Variants in POR observed in about 807,000 individuals in gnomAD.
The protein encoded by POR is cytochrome p450 oxidoreductase.
Under a neutral mutation model 84.0 loss-of-function variants are expected in POR, and 56 were observed. The observed-to-expected ratio is 0.67, with a 90% CI of 0.54 to 0.83. The LOEUF (loss-of-function observed/expected upper bound fraction) is 0.83, where lower values mean the gene tolerates loss of function less well. Ranked by LOEUF, POR falls within the 40% of genes least tolerant of loss-of-function variation. The pLI is 0.00. For missense variants in POR, 938 were observed against 944.3 expected, an observed-to-expected ratio of 0.99 and a Z score of 0.09; for synonymous variants, 414 against 400.5, an observed-to-expected ratio of 1.03 and a Z score of -0.40.
chr7:75,977,439 G>A (rs1788746476), intron 3 of POR, among the ~76,000 whole-genome samples: 1 of 152,202 alleles, frequency 6.6e-6, no homozygotes, highest in Admixed American at 6.6e-5. Context: ...TAAGCCAGTA[G>A]CCAGGACTAG....
chr7:75,968,863 C>T (rs1430708355), intron 2 of POR, among the ~76,000 whole-genome samples: 1 of 152,216 alleles, frequency 6.6e-6, no homozygotes, highest in African/African-American at 2.4e-5. Context: ...TGTCCAACTG[C>T]GTCAGGAGGT....
At chr7:75,968,917 A>T (rs1288636762) in intron 2 of POR, among the ~76,000 whole-genome samples, 1 of 152,132 alleles carries the variant, frequency 6.6e-6, no homozygotes, top group African/African-American at 2.4e-5. Context: ...GGCTTCTGGG[A>T]TGGGAGCCGA....
chr7:75,977,932 A>AACCGAATTGGCTGC (rs1164320793), intron 3 of POR, among the ~76,000 whole-genome samples: 2 of 152,214 alleles, frequency 1.3e-5, no homozygotes, highest in African/African-American at 4.8e-5. Flanking sequence ...CAATTGGCTG[A>AACCGAATTGGCTGC]ACCGAATTGG....
At position 75,986,853 on chromosome 7, in the gene POR, G is replaced by C; in HGVS notation, c.*372G>C. On this transcript the variant is annotated 3_prime_UTR_variant, in exon 16 of 16. Transcript: ENST00000461988. ...CCCTTGGAATAAAGTTCTGTTTTCT[G>C]TATTTGCCTGGTATTGTGTGAGTAG... 1.7e-6 allele frequency: 1 copy of C among 575,962 alleles called. No homozygotes were observed. The highest frequency in any genetic ancestry group is 2.8e-5 in the East Asian group (1 of 35,190). The allele number at this position is 575,962 out of a possible 1,614,324, so 35.7% of individuals were successfully genotyped here.
At chr7:75,938,782 C>T (rs188268643) in intron 1 of POR, among the ~76,000 whole-genome samples, 59 of 152,280 alleles carry the variant, frequency 3.9e-4, no homozygotes, top group Non-Finnish European at 5.3e-4. Flanking sequence ...ATCTCTTATT[C>T]GCCATCTATG....
At chr7:75,932,824 C>T (rs1807484078) in intron 1 of POR, among the ~76,000 whole-genome samples, 1 of 151,510 alleles carries the variant, frequency 6.6e-6, no homozygotes, top group African/African-American at 2.4e-5. Flanking sequence ...TTGAGACCAG[C>T]CTGGCCAACA....
At chr7:75,962,338 G>A (rs1362881166) in intron 2 of POR, among the ~76,000 whole-genome samples, 2 of 152,088 alleles carry the variant, frequency 1.3e-5, no homozygotes, top group Admixed American at 6.6e-5. Context: ...CTGTCACCCA[G>A]GCTGGAGTGC....
chr7:75,954,857 G>A (rs773924275), intron 2 of POR, among the ~76,000 whole-genome samples: 87 of 152,038 alleles, frequency 5.7e-4, no homozygotes, highest in Middle Eastern at 3.4e-3. Context: ...ACAGGTGCCC[G>A]CCACCACGCC....
chr7:75,915,480 C>T lies in POR; in HGVS notation c.-5+301C>T, dbSNP rs568317156. ...TCGGCTGAGGGTTAGGGCTCGGTATCTCAGGGCTCGGGGTCCAGTCCCCGC... is the reference window on the plus strand; with the variant it reads ...TCGGCTGAGGGTTAGGGCTCGGTATTTCAGGGCTCGGGGTCCAGTCCCCGC... On this transcript the variant is annotated intron_variant, in intron 1 of 15. Transcript: ENST00000461988. 7 of 152,428 alleles carry T rather than the reference C, an allele frequency of 4.6e-5. No individual in the cohort carries two copies. In the East Asian group the frequency reaches 9.7e-4, roughly 21 times the overall value. The allele number at this position is 152,428 out of a possible 1,614,324, so 9.4% of individuals were successfully genotyped here. A position where few individuals can be genotyped will look rare whatever the true frequency, so the allele number is the denominator to read the frequency against.
chr7:75,926,358 T>C (rs1268615765), intron 1 of POR, among the ~76,000 whole-genome samples: 1 of 152,126 alleles, frequency 6.6e-6, no homozygotes, highest in Non-Finnish European at 1.5e-5. Context: ...TAGTAGGTGA[T>C]TGCAGGCAGA....
intron 2 of POR, 98 bp from the exon 3 acceptor site, chr7:75,972,315 C>A: frequency 9.3e-7 from 1 of 1,070,450 alleles, no homozygotes. Context: ...GCTGCCACAG[C>A]ATCCCATGAA....
chr7:75,946,549 A>G (rs1282662241), intron 1 of POR, among the ~76,000 whole-genome samples: 33 of 152,114 alleles, frequency 2.2e-4, no homozygotes, highest in Admixed American at 2.2e-3. Context: ...TGGCCTCCCA[A>G]AGTGCTGAGA....
In POR at chr7:75,928,129, A is replaced by AC. The variant is rs201901109; in HGVS notation, c.-5+12952dup. Among the ~76,000 whole-genome samples the AC allele has an allele frequency of 9.4e-3, 1,428 of 151,200 alleles. 24 individuals carry two copies. The highest frequency in any genetic ancestry group is 0.03 in the African/African-American group (1,245 of 41,144). ...TGGGATTACAGGCACACACTGCCAT[A>AC]CCAGCTAATTTTTGTATTTTTAGTA... On this transcript the variant is annotated intron_variant, in intron 1 of 15. Transcript: ENST00000461988.
At chr7:75,981,934 G>C in intron 7 of POR, 1 of 566,788 alleles carries the variant, frequency 1.8e-6, no homozygotes, top group Non-Finnish European at 3.1e-6. Flanking sequence ...CTGTGCCCTT[G>C]ATGGCCCCTG....
In POR at chr7:75,981,147, C is replaced by G; in HGVS notation, c.616C>G (p.Leu206Val). The G allele has an allele frequency of 2.6e-6, 4 of 1,552,592 alleles. No individual in the cohort carries two copies. The highest frequency in any genetic ancestry group is 3.5e-6 in the Non-Finnish European group (4 of 1,148,740). ...GCTCGGCGCCCAGCGCATCTTTGAG[C>G]TGGGGTTGGGCGACGACGATGGGAA... Residue 206 changes from leucine (L) to valine (V), a missense_variant, in exon 6 of 16, where the codon CTG (leucine) becomes GTG (valine). Physicochemically the swap from Leu to Val is conservative, Grantham distance 32. Coordinates refer to ENST00000461988, the MANE Select transcript of POR (RefSeq NM_000941.3).
rs41302345 is a variant in POR, at chr7:75,986,532, C to T, written c.*51C>T. On this transcript the variant is annotated 3_prime_UTR_variant, in exon 16 of 16. Coordinates refer to ENST00000461988, the MANE Select transcript of POR (RefSeq NM_000941.3). ...CAGACTCCGGCCTGTAATCAGCTCT[C>T]CTGGCTCCCTCCCGTAGTCTCCTGG... is the stretch of plus-strand genomic sequence containing the variant. The T allele has an allele frequency of 0.012, 18,406 of 1,580,690 alleles. 146 individuals carry two copies. Among genetic ancestry groups the T allele is most frequent in the Non-Finnish European group, 0.014 (16,405 of 1,169,520 alleles).
Position 75,980,427 on chromosome 7 carries a change from C to T in POR, c.455C>T (p.Ala152Val). 1 of 1,613,338 alleles carries T rather than the reference C, an allele frequency of 6.2e-7. No individual in the cohort carries two copies. The highest frequency in any genetic ancestry group is 8.5e-7 in the Non-Finnish European group (1 of 1,179,888). ...GGTGAGGGAGACCCCACCGACAATG[C>T]CCAGGACTTCTACGACTGGCTGCAG... The change falls in exon 5 of 16, where the codon GCC becomes GTC. Residue 152 changes from alanine (A) to valine (V), a missense_variant. By Grantham distance (64) the Ala-to-Val change is moderately conservative. Transcript: ENST00000461988.
chr7:75,982,369 G>A, intron 8 of POR, 47 bp downstream of exon 8: 1 of 1,458,918 alleles, frequency 6.9e-7, no homozygotes, highest in Non-Finnish European at 9.5e-7. Flanking sequence ...TATGGCCACT[G>A]GTGCACCCCA....
chr7:75,985,192 C>T lies in POR; in HGVS notation c.1383C>T (p.Ile461=), dbSNP rs1003383217. 2.6e-5 allele frequency: 42 copies of T among 1,594,746 alleles called. No individual in the cohort carries two copies. Among genetic ancestry groups the T allele is most frequent in the Non-Finnish European group, 3.2e-5 (38 of 1,176,572 alleles). Residue 461 remains isoleucine (I), a synonymous_variant, in exon 12 of 16, where the codon ATC becomes ATT. Transcript: ENST00000461988. ...GCCTGCAGGCCCGCTACTACTCCAT[C>T]GCCTCATCCTCCAAGGTGAGGGCCG...
Sources: gnomAD v4.1 joint callset for allele counts (sites outside exome capture counted in the v4.1 genomes callset) on GRCh38, gnomAD v4.1.1 for gene constraint, MANE v1.5 for transcripts, NCBI Gene and HGNC (gene_info 2026-07-23, HGNC 2026-07-21) for gene names.